The following MGAM variants were observed in gnomAD, a reference collection of about 807,000 sequenced individuals.
The protein encoded by MGAM is maltase-glucoamylase, also known as alpha-1,4-glucosidase.
A neutral mutation model predicts 358.8 loss-of-function variants in MGAM; 253 were observed. That is an observed-to-expected ratio of 0.71 (90% CI 0.64 to 0.78). The LOEUF is 0.78. Ranked by LOEUF, MGAM falls within the 30% of genes least tolerant of loss-of-function variation. The pLI is 0.00. For synonymous variants in MGAM, 1,105 were observed against 1,227.1 expected (o/e 0.90, Z 2.08); for missense variants, 3,080 against 3,432.6 (o/e 0.90, Z 2.57).
rs569734666 is a variant in MGAM, at chr7:142,092,242, C to G, written c.6945+195C>G. On this transcript the variant is annotated intron_variant, in intron 58 of 70. Transcript: ENST00000475668. ...CCTTCTACCAGACCTGACATTACTA[C>G]TATAAAACCTCTGAGGCAATTGACT... 1.0e-4 allele frequency among the ~76,000 whole-genome samples: 15 copies of G among 146,326 alleles called. 1 individual carries two copies. Among genetic ancestry groups the G allele is most frequent in the African/African-American group, 3.6e-4 (15 of 41,236 alleles).
chr7:142,022,179 C>A, intron 6 of MGAM, 89 bp from the exon 7 acceptor site: 2 of 1,237,320 alleles, frequency 1.6e-6, no homozygotes, highest in South Asian at 3.1e-5. Context: ...GCTATTGAGT[C>A]ACTGAGATAT....
intron 54 of MGAM, 141 bp from the exon 55 acceptor site, chr7:142,085,692 C>A: frequency 8.4e-7 from 1 of 1,187,506 alleles, no homozygotes. Context: ...AGCACCTGTA[C>A]CTAACAAATG....
rs747497594 is a variant in MGAM at position 142,058,282 on chromosome 7, A to T, written c.3773A>T (p.Glu1258Val). ...LCRYGYQNDS[E>V]IASLYDEMVA... is the part of the protein sequence containing the mutation. ...CGCTATGGCTACCAGAATGACTCTGAGATCGCCAGCTTGTATGATGAGATG... is the reference window on the plus strand; with the variant it reads ...CGCTATGGCTACCAGAATGACTCTGTGATCGCCAGCTTGTATGATGAGATG... The change falls in exon 31 of 71, where the codon GAG (glutamate) becomes GTG (valine). Residue 1258 changes from glutamate to valine, a missense_variant. By Grantham distance (121) the Glu-to-Val change is moderately radical. Around this residue, in one of 5 missense-constraint regions of MGAM, gnomAD observed 1,816 missense variants for 1,840.5 expected, o/e 0.99. Coordinates refer to ENST00000475668, the MANE Select transcript of MGAM (RefSeq NM_001365693.1). 9 of 1,613,790 alleles carry T rather than the reference A, an allele frequency of 5.6e-6. No individual in the cohort carries two copies. Among genetic ancestry groups the T allele is most frequent in the Non-Finnish European group, 7.6e-6 (9 of 1,179,854 alleles).
At chr7:142,077,480 G>T (rs2129050709) in intron 47 of MGAM, among the ~76,000 whole-genome samples, 1 of 145,798 alleles carries the variant, frequency 6.9e-6, no homozygotes, top group Admixed American at 6.9e-5. Context: ...GGGAAGTGCT[G>T]TCTAGAGAAG....
rs2960738 is a variant in MGAM at position 142,079,121 on chromosome 7, G to A, written c.5847+113G>A. The A allele has an allele frequency of 6.7e-5, 65 of 972,434 alleles. No homozygotes were observed. The African/African-American group carries it at 8.7e-4, about 13-fold the overall frequency. 60.2% of individuals were successfully genotyped at this position (972,434 alleles called of 1,614,324 possible). A position where few individuals can be genotyped will look rare whatever the true frequency, so the allele number is the denominator to read the frequency against. On this transcript the variant is annotated intron_variant, in intron 49 of 70. Coordinates refer to ENST00000475668, the MANE Select transcript of MGAM (RefSeq NM_001365693.1). ...AGTTAATCATGCTACATTAGACTAT[G>A]TCATTATCCAGAGAACATTGAGAAA...
chr7:141,998,606 A>C lies in MGAM; in HGVS notation c.-3+2676A>C, dbSNP rs562737569. Reference sequence around the variant, plus strand: ...TGAACTCATCCTTTTTTATGACTGCATAGTATTTCATGGTGTATATGTGCC... The same window carrying C: ...TGAACTCATCCTTTTTTATGACTGCCTAGTATTTCATGGTGTATATGTGCC... On this transcript the variant is annotated intron_variant, in intron 1 of 70. Transcript: ENST00000475668. Among the ~76,000 whole-genome samples the C allele has an allele frequency of 3.5e-4, 53 of 152,264 alleles. 1 individual carries two copies. Among genetic ancestry groups the C allele is most frequent in the African/African-American group, 1.3e-3 (52 of 41,540 alleles).
At chr7:141,997,743 G>T (rs1804375509) in intron 1 of MGAM, among the ~76,000 whole-genome samples, 1 of 152,130 alleles carries the variant, frequency 6.6e-6, no homozygotes, top group African/African-American at 2.4e-5. Flanking sequence ...GGTCAGAGCT[G>T]ACTCTTAAAT....
At position 142,067,955 on chromosome 7, in the gene MGAM, TATATATATAAATATATATATATATATATA is replaced by T. The variant is rs1267634002; in HGVS notation, c.5004+531_5004+559del. 9.9e-4 allele frequency among the ~76,000 whole-genome samples: 37 copies of T among 37,298 alleles called. 3 individuals are homozygous for T. The highest frequency in any genetic ancestry group is 1.8e-3 in the Admixed American group (4 of 2,210). 24.5% of individuals were successfully genotyped at this position (37,298 alleles called of 152,430 possible). A position where few individuals can be genotyped will look rare whatever the true frequency, so the allele number is the denominator to read the frequency against. On this transcript the variant is annotated intron_variant, in intron 42 of 70. Transcript: ENST00000475668. ...CCTCAAATATATATATATATATATA[TATATATATAAATATATATATATATATATA>T]TATTTTTTTTTTTTTTTTTTTGAGA...
At chr7:142,103,543 C>T (rs969788154) in intron 70 of MGAM, 104 bp downstream of exon 70, 20 of 1,148,702 alleles carry the variant, frequency 1.7e-5, no homozygotes, top group Non-Finnish European at 2.1e-5. Context: ...CTGCCAGGCC[C>T]TCCGGGAATC....
At position 142,092,333 on chromosome 7, in the gene MGAM, G is replaced by A. The variant is rs981028893; in HGVS notation, c.6946-188G>A. 4.8e-5 allele frequency among the ~76,000 whole-genome samples: 7 copies of A among 145,454 alleles called. 2 individuals are homozygous for A. Among genetic ancestry groups the A allele is most frequent in the Non-Finnish European group, 1.1e-4 (7 of 64,326 alleles). ...AGAGAGATTTTTTTTTAACCCTCTA[G>A]CCAGTTGTTCTGTAGGGGTGAATTC... On this transcript the variant is annotated intron_variant, in intron 58 of 70. Coordinates refer to ENST00000475668, the MANE Select transcript of MGAM (RefSeq NM_001365693.1).
At chr7:142,092,798 A>G (rs1419914011) in intron 59 of MGAM, among the ~76,000 whole-genome samples, 190 bp downstream of exon 59, 2 of 146,756 alleles carry the variant, frequency 1.4e-5, no homozygotes, top group African/African-American at 2.4e-5. Flanking sequence ...GACTAGACTC[A>G]TTGCACAAAT....
chr7:142,024,911 C>T, intron 7 of MGAM, 139 bp from the exon 8 acceptor site: 1 of 613,476 alleles, frequency 1.6e-6, no homozygotes, highest in Non-Finnish European at 2.9e-6. Flanking sequence ...TAGACCCCAT[C>T]TTTTAAAAAT....
chr7:142,102,975 A>G (rs1395008238), intron 69 of MGAM, among the ~76,000 whole-genome samples: 1 of 152,212 alleles, frequency 6.6e-6, no homozygotes, highest in African/African-American at 2.4e-5. Flanking sequence ...AATGGTCTGC[A>G]CATTTTGGGA....
chr7:141,999,783 T>C (rs1796924505), intron 1 of MGAM, among the ~76,000 whole-genome samples: 1 of 152,214 alleles, frequency 6.6e-6, no homozygotes, highest in Non-Finnish European at 1.5e-5. Context: ...CCTTTTTTAT[T>C]TGCGTCTTGC....
chr7:142,062,481 A>G (rs1317883704), intron 34 of MGAM, 87 bp from the exon 35 acceptor site: 4 of 1,516,620 alleles, frequency 2.6e-6, no homozygotes, highest in African/African-American at 2.8e-5. Flanking sequence ...CAGTTGAAGT[A>G]TTTGTGTGAG....
chr7:142,085,693 C>T (rs1029760747), intron 54 of MGAM, 140 bp from the exon 55 acceptor site: 4 of 1,199,432 alleles, frequency 3.3e-6, no homozygotes, highest in South Asian at 1.7e-5. Context: ...GCACCTGTAC[C>T]TAACAAATGG....
intron 21 of MGAM, among the ~76,000 whole-genome samples, chr7:142,045,521 T>G (rs1346781625): frequency 9.8e-6 from 1 of 101,912 alleles, no homozygotes; most frequent in Non-Finnish European, 1.7e-5. Flanking sequence ...ATACATATAA[T>G]ATATGATATA....
chr7:142,082,282 C>G (rs1370328958), intron 51 of MGAM, 72 bp downstream of exon 51: 5 of 1,476,520 alleles, frequency 3.4e-6, no homozygotes, highest in Non-Finnish European at 4.6e-6. Flanking sequence ...TGGGCTTCAT[C>G]TTCCCAAACT....
At chr7:142,039,776 G>A (rs1286139466) in intron 19 of MGAM, among the ~76,000 whole-genome samples, 1 of 152,088 alleles carries the variant, frequency 6.6e-6, no homozygotes, top group Non-Finnish European at 1.5e-5. Flanking sequence ...CTTCTCATCT[G>A]CAGAGGGGTA....
Sources: gnomAD v4.1 joint callset for allele counts (sites outside exome capture counted in the v4.1 genomes callset) on GRCh38, gnomAD v4.1.1 for gene constraint, gnomAD v4.1.1 regional missense constraint, MANE v1.5 for transcripts, NCBI Gene and HGNC (gene_info 2026-07-23, HGNC 2026-07-21) for gene names.